RELL1: variants seen among roughly 807,000 people sequenced by gnomAD.
RELL1 encodes RELT like 1, also known as RELT-like protein 1.
Under a neutral mutation model 23.0 loss-of-function variants are expected in RELL1, and 10 were observed. That is an observed-to-expected ratio of 0.43 (90% confidence interval 0.27 to 0.74). The LOEUF (loss-of-function observed/expected upper bound fraction) is 0.74. Ranked by LOEUF, RELL1 falls within the 30% of genes least tolerant of loss-of-function variation. The pLI is 0.19. For synonymous variants in RELL1, 146 were observed against 146.8 expected (o/e 0.99, Z 0.04); for missense variants, 315 against 364.4 (o/e 0.86, Z 1.10).
At chr4:37,636,897 G>C (rs1207102155) in intron 4 of RELL1, among the ~76,000 whole-genome samples, 1 of 152,190 alleles carries the variant, frequency 6.6e-6, no homozygotes, top group Non-Finnish European at 1.5e-5. Flanking sequence ...CTACGGTTGA[G>C]GAGACCGCCT....
At chr4:37,603,282 A>T (rs1328462623) in intron 6 of RELL1, among the ~76,000 whole-genome samples, 3 of 152,146 alleles carry the variant, frequency 2.0e-5, no homozygotes, top group Non-Finnish European at 2.9e-5. Flanking sequence ...GCCACGCCAC[A>T]AAATGCCCAA....
At chr4:37,630,278 C>T (rs935864638) in intron 6 of RELL1, among the ~76,000 whole-genome samples, 3 of 151,026 alleles carry the variant, frequency 2.0e-5, no homozygotes, top group South Asian at 4.2e-4. Flanking sequence ...CCACTCAAGC[C>T]GGAACAGAAA....
At chr4:37,605,885 GAA>G (rs1178261893), downstream of RELL1, among the ~76,000 whole-genome samples, 24 of 132,952 alleles carry the variant, frequency 1.8e-4, no homozygotes, top group African/African-American at 6.3e-4. Context: ...AAGAAGGAAA[GAA>G]AGAGAAAGAA....
chr4:37,628,534 A>G (rs1720026962), intron 6 of RELL1, among the ~76,000 whole-genome samples: 1 of 152,192 alleles, frequency 6.6e-6, no homozygotes, highest in Admixed American at 6.5e-5. Flanking sequence ...AAAATTTTTC[A>G]TAACGAAGAA....
chr4:37,648,898 T>C (rs1299028148), intron 2 of RELL1, among the ~76,000 whole-genome samples: 1 of 152,238 alleles, frequency 6.6e-6, no homozygotes, highest in Non-Finnish European at 1.5e-5. Context: ...CAAATGCATC[T>C]TTCCTCTAAA....
chr4:37,631,898 G>A (rs1257710153), intron 5 of RELL1, among the ~76,000 whole-genome samples: 1 of 151,764 alleles, frequency 6.6e-6, no homozygotes, highest in Non-Finnish European at 1.5e-5. Flanking sequence ...TGGGTGTATG[G>A]CAAAACTCTG....
At chr4:37,652,639 G>A (rs913539569) in intron 1 of RELL1, among the ~76,000 whole-genome samples, 11 of 152,054 alleles carry the variant, frequency 7.2e-5, no homozygotes, top group Non-Finnish European at 1.5e-4. Flanking sequence ...GATGAAAGAG[G>A]GGCTCAGAAT....
chr4:37,675,187 A>C (rs1047789506), intron 1 of RELL1, among the ~76,000 whole-genome samples: 3 of 152,268 alleles, frequency 2.0e-5, no homozygotes, highest in African/African-American at 4.8e-5. Flanking sequence ...TCAATTTATA[A>C]GATGCCTTTG....
intron 6 of RELL1, chr4:37,622,821 T>A (rs1560333046): frequency 2.2e-6 from 1 of 444,642 alleles, no homozygotes; most frequent in Non-Finnish European, 4.5e-6. Context: ...TTTTTTTTTC[T>A]GAGACAGAGT....
intron 1 of RELL1, among the ~76,000 whole-genome samples, chr4:37,659,537 A>C (rs1402042384): frequency 6.6e-6 from 1 of 152,334 alleles, no homozygotes; most frequent in East Asian, 1.9e-4. Context: ...TAGATTACCA[A>C]GATGGCTAAA....
intron 6 of RELL1, among the ~76,000 whole-genome samples, chr4:37,626,225 C>G (rs1719939250): frequency 6.6e-6 from 1 of 152,122 alleles, no homozygotes; most frequent in Non-Finnish European, 1.5e-5. Context: ...CACCTGTAAT[C>G]CAAGCACTTT....
intron 1 of RELL1, among the ~76,000 whole-genome samples, chr4:37,668,745 G>C (rs1193325547): frequency 6.8e-6 from 1 of 147,422 alleles, no homozygotes; most frequent in East Asian, 2.0e-4. Flanking sequence ...ATCTCTGCCC[G>C]GCCGCCATCC....
At chr4:37,617,899 A>G (rs2109239065) in intron 6 of RELL1, among the ~76,000 whole-genome samples, 1 of 152,350 alleles carries the variant, frequency 6.6e-6, no homozygotes, top group Non-Finnish European at 1.5e-5. Context: ...GGGCTCTTGT[A>G]ATGATGAGAT....
At chr4:37,604,451 C>A (rs937191257) in intron 6 of RELL1, among the ~76,000 whole-genome samples, 3 of 152,124 alleles carry the variant, frequency 2.0e-5, no homozygotes, top group Non-Finnish European at 2.9e-5. Flanking sequence ...ACCAAATCAA[C>A]CTTTCCACTT....
At chr4:37,636,847 T>G (rs1313523810) in intron 4 of RELL1, among the ~76,000 whole-genome samples, 1 of 152,072 alleles carries the variant, frequency 6.6e-6, no homozygotes, top group Non-Finnish European at 1.5e-5. Context: ...TTTTCGGTGA[T>G]GCAAACTGGC....
chr4:37,596,618 G>T (rs539758278), intron 6 of RELL1, among the ~76,000 whole-genome samples: 1 of 145,002 alleles, frequency 6.9e-6, no homozygotes, highest in Non-Finnish European at 1.5e-5. Flanking sequence ...CACTCCCCTG[G>T]GGTATGTGAA....
intron 6 of RELL1, among the ~76,000 whole-genome samples, chr4:37,619,339 C>T (rs1319730756): frequency 6.6e-6 from 1 of 151,762 alleles, no homozygotes; most frequent in Non-Finnish European, 1.5e-5. Context: ...TGCGGCATCA[C>T]ACCTGGCTAA....
chr4:37,635,489 T>C (rs1051104221), intron 4 of RELL1, among the ~76,000 whole-genome samples: 1 of 152,004 alleles, frequency 6.6e-6, no homozygotes, highest in African/African-American at 2.4e-5. Context: ...TAGTCAGGCA[T>C]GATGGTGCGT....
At chr4:37,630,864 T>C (rs1462605601) in intron 6 of RELL1, among the ~76,000 whole-genome samples, 1 of 152,102 alleles carries the variant, frequency 6.6e-6, no homozygotes, top group East Asian at 1.9e-4. Flanking sequence ...TTGGTTTGTT[T>C]GCTCCAGACT....
Sources: allele counts gnomAD v4.1 joint callset (sites outside exome capture counted in the v4.1 genomes callset), GRCh38; gene constraint gnomAD v4.1.1; transcripts MANE v1.5; gene names NCBI Gene and HGNC (gene_info 2026-07-23, HGNC 2026-07-21).